KIDINS220: variants seen among roughly 807,000 people sequenced by gnomAD.
KIDINS220 encodes the protein kinase D-interacting substrate of 220 kDa.
Under a neutral mutation model 157.6 loss-of-function variants are expected in KIDINS220, and 63 were observed. The ratio of observed to expected loss-of-function variants is 0.40; its 90% CI spans 0.33 to 0.49. KIDINS220 has a LOEUF of 0.49. Ranked by LOEUF, KIDINS220 falls within the 20% of genes least tolerant of loss-of-function variation. KIDINS220 has a pLI of 0.66. For missense variants in KIDINS220, 1,772 were observed against 2,171.2 expected (o/e 0.82, Z 3.65); for synonymous variants, 732 against 783.6 (o/e 0.93, Z 1.10).
intron 25 of KIDINS220, 127 bp downstream of exon 25, chr2:8,747,760 G>A (rs957915080): frequency 2.1e-5 from 10 of 470,752 alleles, no homozygotes; most frequent in African/African-American, 2.0e-4. Context: ...TTAGTAATAG[G>A]TTGTTTCTTA....
At chr2:8,782,415 A>T (rs1187782269) in intron 17 of KIDINS220, among the ~76,000 whole-genome samples, 2 of 152,194 alleles carry the variant, frequency 1.3e-5, no homozygotes, top group Non-Finnish European at 2.9e-5. Flanking sequence ...GGATACTACA[A>T]ACAACTCTAT....
intron 8 of KIDINS220, among the ~76,000 whole-genome samples, chr2:8,801,037 A>G (rs6431964): frequency 1 from 151,680 of 152,296 alleles, 75,536 homozygotes; most frequent in Middle Eastern, 1. Context: ...GGCCAGTAGT[A>G]CATTAAGACT....
chr2:8,803,861 A>G (rs1176138634), intron 7 of KIDINS220, among the ~76,000 whole-genome samples: 2 of 152,132 alleles, frequency 1.3e-5, no homozygotes, highest in Non-Finnish European at 2.9e-5. Flanking sequence ...CAAACAATAA[A>G]TCAACTAAGA....
intron 24 of KIDINS220, 119 bp downstream of exon 24, chr2:8,749,993 C>T (rs1261386117): frequency 3.6e-5 from 27 of 758,390 alleles, no homozygotes; most frequent in Non-Finnish European, 3.4e-5. Context: ...TCAAACTTTA[C>T]ATTTTTCCTA....
At chr2:8,744,732 T>C (rs998617942) in intron 26 of KIDINS220, among the ~76,000 whole-genome samples, 4 of 151,994 alleles carry the variant, frequency 2.6e-5, no homozygotes, top group African/African-American at 9.7e-5. Flanking sequence ...AATGTTCCCA[T>C]GTTCTGATTC....
At chr2:8,751,261 T>C (rs1301835144) in intron 23 of KIDINS220, among the ~76,000 whole-genome samples, 2 of 151,222 alleles carry the variant, frequency 1.3e-5, no homozygotes, top group African/African-American at 4.9e-5. Context: ...ATTTTCTTTT[T>C]TTTTTTTTTT....
chr2:8,795,084 G>C (rs961710154), intron 11 of KIDINS220, among the ~76,000 whole-genome samples: 4 of 152,178 alleles, frequency 2.6e-5, no homozygotes, highest in African/African-American at 9.7e-5. Context: ...CAGCATAAGA[G>C]TCCATTTTGA....
intron 2 of KIDINS220, among the ~76,000 whole-genome samples, chr2:8,823,474 T>C (rs1256305695): frequency 6.7e-6 from 1 of 148,928 alleles, no homozygotes; most frequent in Non-Finnish European, 1.5e-5. Flanking sequence ...CACTGAGCCA[T>C]AACTGAAAAA....
intron 1 of KIDINS220, among the ~76,000 whole-genome samples, chr2:8,835,298 G>A (rs1277169311): frequency 6.6e-6 from 1 of 152,092 alleles, no homozygotes; most frequent in Non-Finnish European, 1.5e-5. Flanking sequence ...GAAGGACTTT[G>A]CCCACCCACA....
intron 22 of KIDINS220, among the ~76,000 whole-genome samples, chr2:8,762,945 T>A (rs1054852468): frequency 6.6e-6 from 1 of 152,158 alleles, no homozygotes; most frequent in Non-Finnish European, 1.5e-5. Flanking sequence ...TAGAACTAAA[T>A]AAAGCATTTA....
Position 8,761,233 on chromosome 2 carries a change from C to T in KIDINS220, c.3011+9437G>A, listed in dbSNP as rs545252450. 1.6e-4 allele frequency among the ~76,000 whole-genome samples: 24 copies of T among 152,094 alleles called. 1 individual carries two copies. Among genetic ancestry groups the T allele is most frequent in the Admixed American group, 3.9e-4 (6 of 15,270 alleles). ...TGTATTACATTAATCATATATAGAA[C>T]GCAAATGTTTGATAATAAAACTGAA... On this transcript the variant is annotated intron_variant, in intron 22 of 29. Transcript: ENST00000256707.
intron 8 of KIDINS220, among the ~76,000 whole-genome samples, chr2:8,801,400 A>C (rs1674670384): frequency 6.6e-6 from 1 of 152,178 alleles, no homozygotes; most frequent in African/African-American, 2.4e-5. Context: ...AACCAAAGGC[A>C]GACAAATTTT....
intron 1 of KIDINS220, among the ~76,000 whole-genome samples, chr2:8,835,659 CAA>C (rs56986834): frequency 3.1e-3 from 274 of 87,254 alleles, no homozygotes; most frequent in East Asian, 0.014. Flanking sequence ...GACCCTGTCT[CAA>C]AAAAAAAAAA....
chr2:8,749,249 G>A, intron 24 of KIDINS220: 1 of 259,172 alleles, frequency 3.9e-6, no homozygotes, highest in South Asian at 3.7e-5. Context: ...TTTCTTCCCA[G>A]CTCATATGAG....
chr2:8,817,500 C>T (rs1308960320), intron 4 of KIDINS220, 118 bp downstream of exon 4: 2 of 582,204 alleles, frequency 3.4e-6, no homozygotes, highest in Non-Finnish European at 5.5e-6. Flanking sequence ...ATGCCCAATC[C>T]CAAATTCTAA....
At chr2:8,786,158 T>C (rs934827522) in intron 16 of KIDINS220, 48 bp downstream of exon 16, 1 of 1,607,948 alleles carries the variant, frequency 6.2e-7, no homozygotes, top group Non-Finnish European at 8.5e-7. Flanking sequence ...TGAACATCTA[T>C]CCCACCCCCA....
Position 8,785,858 on chromosome 2 carries a change from A to C in KIDINS220, c.2112T>G (p.Phe704Leu). 6.2e-7 allele frequency: 1 copy of C among 1,614,174 alleles called. No homozygotes were observed. Among genetic ancestry groups the C allele is most frequent in the South Asian group, 1.1e-5 (1 of 91,088 alleles). The change falls in exon 17 of 30, where the codon TTT becomes TTG. Residue 704 changes from phenylalanine to leucine, a missense_variant. Physicochemically the swap from Phe to Leu is conservative, Grantham distance 22. This residue lies in a region of KIDINS220 where 725 missense variants were observed against 1,017.1 expected (regional missense o/e 0.71). Transcript: ENST00000256707. ...GCCACCATGTACGACAGTTCAACACAAAGGCCAATCCCACTACAGATGCGA... is the reference window on the plus strand; with the variant it reads ...GCCACCATGTACGACAGTTCAACACCAAGGCCAATCCCACTACAGATGCGA... ...ISIASVVGLA[F>L]VLNCRTWWQV...
At chr2:8,778,500 T>G in intron 20 of KIDINS220, 139 bp downstream of exon 20, 2 of 713,080 alleles carry the variant, frequency 2.8e-6, no homozygotes, top group Non-Finnish European at 5.0e-6. Flanking sequence ...CACATGAAGC[T>G]GAAAGGAAAT....
chr2:8,809,749 T>G (rs1676020094), intron 6 of KIDINS220, among the ~76,000 whole-genome samples: 1 of 151,578 alleles, frequency 6.6e-6, no homozygotes, highest in Non-Finnish European at 1.5e-5. Context: ...AAAAATCAGT[T>G]CCCATAGAAA....
Sources: allele counts gnomAD v4.1 joint callset (sites outside exome capture counted in the v4.1 genomes callset), GRCh38; gene constraint gnomAD v4.1.1; regional missense constraint gnomAD v4.1.1; transcripts MANE v1.5; gene names NCBI Gene and HGNC (gene_info 2026-07-23, HGNC 2026-07-21).